The following UBASH3B variants were observed in gnomAD, a reference collection of about 807,000 sequenced individuals.
The protein encoded by UBASH3B is ubiquitin-associated and SH3 domain-containing protein B.
UBASH3B carries 37 observed loss-of-function variants against 83.4 expected under a neutral mutation model. The observed-to-expected ratio is 0.44, with a 90% CI of 0.34 to 0.58. The LOEUF is 0.58. Ranked by LOEUF, UBASH3B falls within the 20% of genes least tolerant of loss-of-function variation. The pLI is 0.01. For synonymous variants in UBASH3B, 304 were observed against 318.3 expected (o/e 0.96, Z 0.48); for missense variants, 657 against 827.2 (o/e 0.79, Z 2.52).
chr11:122,782,865 G>T lies in UBASH3B; in HGVS notation c.602-188G>T. ...GTGGCTATCTCTTGAACAGTGGCTT[G>T]ATTCGGAATCTCTTGCCATCCCCTT... On this transcript the variant is annotated intron_variant, in intron 4 of 13. Transcript: ENST00000284273. The T allele has an allele frequency of 4.5e-6, 3 of 664,612 alleles. No individual in the cohort carries two copies. In the East Asian group the frequency reaches 8.4e-5, roughly 19 times the overall value. 41.2% of individuals were successfully genotyped at this position (664,612 alleles called of 1,614,324 possible).
At chr11:122,771,795 A>C (rs1860651035) in intron 1 of UBASH3B, among the ~76,000 whole-genome samples, 1 of 151,150 alleles carries the variant, frequency 6.6e-6, no homozygotes, top group African/African-American at 2.4e-5. Context: ...ACACACTAAA[A>C]TAATAATCAC....
intron 1 of UBASH3B, among the ~76,000 whole-genome samples, chr11:122,668,222 A>G (rs573202360): frequency 1.3e-5 from 2 of 152,244 alleles, no homozygotes; most frequent in Admixed American, 1.3e-4. Flanking sequence ...TCCTGACCTC[A>G]GGTGATCCTC....
At chr11:122,747,992 A>G (rs756833344) in intron 1 of UBASH3B, among the ~76,000 whole-genome samples, 4 of 152,268 alleles carry the variant, frequency 2.6e-5, no homozygotes, top group Admixed American at 6.5e-5. Flanking sequence ...CACGTTACAC[A>G]TGATAAGCTT....
intron 1 of UBASH3B, among the ~76,000 whole-genome samples, chr11:122,713,471 G>A (rs998859916): frequency 1.3e-5 from 2 of 152,106 alleles, no homozygotes; most frequent in African/African-American, 4.8e-5. Context: ...GCCTTGGAAG[G>A]AATATCCTAT....
intron 11 of UBASH3B, among the ~76,000 whole-genome samples, chr11:122,802,833 C>G (rs1861281123): frequency 6.6e-6 from 1 of 152,182 alleles, no homozygotes. Context: ...CATGCAGCAG[C>G]CAGCATCCCT....
intron 1 of UBASH3B, among the ~76,000 whole-genome samples, chr11:122,722,089 A>T (rs949215853): frequency 6.6e-6 from 1 of 152,198 alleles, no homozygotes; most frequent in Non-Finnish European, 1.5e-5. Context: ...AACCTTTTGC[A>T]TCTGTTATTT....
At chr11:122,790,720 G>A (rs1861038680) in intron 6 of UBASH3B, among the ~76,000 whole-genome samples, 1 of 152,074 alleles carries the variant, frequency 6.6e-6, no homozygotes, top group Admixed American at 6.6e-5. Context: ...GCCAGGGTGG[G>A]TGGATCACTT....
intron 1 of UBASH3B, among the ~76,000 whole-genome samples, chr11:122,733,234 T>C (rs897962385): frequency 2.6e-5 from 4 of 152,192 alleles, no homozygotes; most frequent in Non-Finnish European, 4.4e-5. Context: ...TCCCACTCAC[T>C]CCATCTCAAA....
chr11:122,768,129 G>T (rs1226700507), intron 1 of UBASH3B, among the ~76,000 whole-genome samples: 1 of 152,100 alleles, frequency 6.6e-6, no homozygotes, highest in Non-Finnish European at 1.5e-5. Flanking sequence ...TCCTTCTTGG[G>T]AGAGATTTTT....
At chr11:122,711,366 T>C (rs1864188762) in intron 1 of UBASH3B, among the ~76,000 whole-genome samples, 1 of 152,224 alleles carries the variant, frequency 6.6e-6, no homozygotes, top group Admixed American at 6.5e-5. Flanking sequence ...CATTTTTCTT[T>C]CGTCACTCTC....
intron 1 of UBASH3B, among the ~76,000 whole-genome samples, chr11:122,710,683 G>A (rs1056388299): frequency 1.4e-4 from 21 of 152,206 alleles, no homozygotes; most frequent in Admixed American, 1.1e-3. Context: ...GGTATAGGGG[G>A]TGGAAGCTGC....
intron 1 of UBASH3B, among the ~76,000 whole-genome samples, chr11:122,666,355 G>T (rs999002025): frequency 6.6e-6 from 1 of 152,174 alleles, no homozygotes; most frequent in Non-Finnish European, 1.5e-5. Context: ...ACGATGCAGG[G>T]TCGCTGGAGT....
At chr11:122,733,799 G>C (rs1489692790) in intron 1 of UBASH3B, among the ~76,000 whole-genome samples, 2 of 152,212 alleles carry the variant, frequency 1.3e-5, no homozygotes, top group Non-Finnish European at 2.9e-5. Context: ...GAATATCTTA[G>C]AGGATGACAG....
chr11:122,754,589 T>C (rs1260197256), intron 1 of UBASH3B, among the ~76,000 whole-genome samples: 1 of 152,186 alleles, frequency 6.6e-6, no homozygotes, highest in Non-Finnish European at 1.5e-5. Flanking sequence ...GTGAGTGTGA[T>C]TCCTGCTTTG....
intron 1 of UBASH3B, among the ~76,000 whole-genome samples, chr11:122,698,727 C>T (rs1325244454): frequency 6.6e-6 from 1 of 152,168 alleles, no homozygotes; most frequent in African/African-American, 2.4e-5. Flanking sequence ...ATTCCATCCA[C>T]CCGACACCCA....
chr11:122,795,042 C>G (rs1591817287), intron 7 of UBASH3B, among the ~76,000 whole-genome samples: 1 of 152,244 alleles, frequency 6.6e-6, no homozygotes, highest in East Asian at 1.9e-4. Flanking sequence ...AGCATTTGAA[C>G]CTAGGTTCAT....
intron 1 of UBASH3B, among the ~76,000 whole-genome samples, chr11:122,733,446 C>T (rs1232006476): frequency 6.6e-6 from 1 of 152,222 alleles, no homozygotes; most frequent in Non-Finnish European, 1.5e-5. Context: ...AAACAAATCC[C>T]AGCCATCCAG....
chr11:122,674,400 A>C (rs1375580189), intron 1 of UBASH3B, among the ~76,000 whole-genome samples: 1 of 106,530 alleles, frequency 9.4e-6, no homozygotes, highest in Non-Finnish European at 1.9e-5. Flanking sequence ...TTTTTTTTTG[A>C]GACGGAGTCT....
chr11:122,685,637 C>T (rs1863799672), intron 1 of UBASH3B, among the ~76,000 whole-genome samples: 1 of 152,130 alleles, frequency 6.6e-6, no homozygotes, highest in Admixed American at 6.5e-5. Context: ...CTGCCTCAGC[C>T]TCCCGAGTAG....
Sources: allele counts gnomAD v4.1 joint callset (sites outside exome capture counted in the v4.1 genomes callset), GRCh38; gene constraint gnomAD v4.1.1; transcripts MANE v1.5; gene names NCBI Gene and HGNC (gene_info 2026-07-23, HGNC 2026-07-21).